The following CLIC3 variants were observed in gnomAD, a reference collection of about 807,000 sequenced individuals.
CLIC3 encodes the protein chloride intracellular channel protein 3.
Under a neutral mutation model 19.9 loss-of-function variants are expected in CLIC3, and 29 were observed. That is an observed-to-expected ratio of 1.46 (90% confidence interval 1.09 to 1.99). CLIC3 has a LOEUF of 1.99. Among genes scored for constraint, CLIC3 ranks in the 30% most tolerant of loss-of-function variants. CLIC3 has a pLI of 0.00. For synonymous variants in CLIC3, 143 were observed against 156.4 expected, an observed-to-expected ratio of 0.91 and a Z score of 0.64; for missense variants, 365 against 342.6, an observed-to-expected ratio of 1.07 and a Z score of -0.52.
chr9:136,995,589 G>A, intron 2 of CLIC3, 22 bp from the exon 3 acceptor site: 1 of 1,610,990 alleles, frequency 6.2e-7, no homozygotes, highest in South Asian at 1.1e-5. Context: ...AGCGGGGTGG[G>A]AGGAGGCCGG....
At chr9:136,996,473 T>C in intron 1 of CLIC3, 38 bp downstream of exon 1, 1 of 1,545,916 alleles carries the variant, frequency 6.5e-7, no homozygotes, top group African/African-American at 1.4e-5. Context: ...AAGCGCTTCC[T>C]CCCAGACACC....
intron 1 of CLIC3, 98 bp from the exon 2 acceptor site, chr9:136,995,855 ATT>A: frequency 5.0e-6 from 4 of 803,300 alleles, no homozygotes; most frequent in Non-Finnish European, 5.9e-6. Context: ...TGCCAGTGGG[ATT>A]GGAGGGACGC....
rs372081015 is a variant in CLIC3, at chr9:136,994,797, G to C, written c.595C>G (p.Leu199Val). 6.3e-7 allele frequency: 1 copy of C among 1,590,650 alleles called. No individual in the cohort carries two copies. Among genetic ancestry groups the C allele is most frequent in the Non-Finnish European group, 8.6e-7 (1 of 1,169,396 alleles). The part of the protein sequence containing the change: ...HFRQAPIPAE[L>V]RGVRRYLDSA... ...TCCAGGTAGCGGCGTACGCCGCGCA[G>C]CTCCGCGGGGATGGGCGCCTGGCGG... is the stretch of plus-strand genomic sequence containing the variant. Residue 199 changes from leucine (L) to valine (V), a missense_variant, in exon 6 of 6, where the codon CTG becomes GTG. Physicochemically the swap from Leu to Val is conservative, Grantham distance 32 (BLOSUM62 1). Transcript: ENST00000494426.
rs776591303 is a variant in CLIC3 at position 136,995,729 on chromosome 9, T to A, written c.62A>T (p.His21Leu). ...KASEDGESVG[H>L]CPSCQRLFMV... ...GAAGAGCCGCTGGCAGGAGGGGCAG[T>A]GACCCACGCTCTCCCCGTCCTCACT... Residue 21 changes from histidine (H) to leucine (L), a missense_variant, in exon 2 of 6, where the codon CAC (histidine) becomes CTC (leucine). Transcript: ENST00000494426. 9 of 1,593,008 alleles carry A rather than the reference T, an allele frequency of 5.6e-6. No homozygotes were observed. Among genetic ancestry groups the A allele is most frequent in the Non-Finnish European group, 7.7e-6 (9 of 1,171,456 alleles).
At chr9:136,995,159 G>A in intron 4 of CLIC3, 27 bp downstream of exon 4, 3 of 1,600,696 alleles carry the variant, frequency 1.9e-6, no homozygotes, top group Non-Finnish European at 2.6e-6. Context: ...TCCCGCCTGG[G>A]CACCCGACCC....
Position 136,994,677 on chromosome 9 carries a change from G to A in CLIC3, c.*4C>T. The A allele has an allele frequency of 6.2e-7, 1 of 1,605,232 alleles. No homozygotes were observed. Among genetic ancestry groups the A allele is most frequent in the Non-Finnish European group, 8.5e-7 (1 of 1,176,380 alleles). On this transcript the variant is annotated 3_prime_UTR_variant, in exon 6 of 6. Coordinates refer to ENST00000494426, the MANE Select transcript of CLIC3 (RefSeq NM_004669.3). The stretch of plus-strand genomic sequence containing the variant: ...TTATTGGGCGACAGACGCGGGGTGG[G>A]GCGCTAGCGGGGGTGCACGGCGGGC...
intron 5 of CLIC3, 33 bp downstream of exon 5, chr9:136,994,897 T>TCTGC: frequency 1.4e-6 from 2 of 1,471,218 alleles, no homozygotes; most frequent in Non-Finnish European, 1.8e-6. Flanking sequence ...CGCGCCGCGG[T>TCTGC]CACCCTCCCG....
chr9:136,996,513 T>A lies in CLIC3; in HGVS notation c.31A>T (p.Lys11Ter). 1 of 1,555,460 alleles carries A rather than the reference T, an allele frequency of 6.4e-7. No homozygotes were observed. The highest frequency in any genetic ancestry group is 8.7e-7 in the Non-Finnish European group (1 of 1,149,010). ...CCGCAGCTGAGTCCGCCCTGCACCTTGACAAACAGCTGGAGCTTGGTCTCC... is the reference window on the plus strand; with the variant it reads ...CCGCAGCTGAGTCCGCCCTGCACCTAGACAAACAGCTGGAGCTTGGTCTCC... MAETKLQLFV[K>*]ASEDGESVGH... Residue 11 changes from lysine to a stop codon, truncating the protein, a stop_gained and splice_region_variant, in exon 1 of 6, where the codon AAG becomes TAG. Coordinates refer to ENST00000494426, the MANE Select transcript of CLIC3 (RefSeq NM_004669.3). LOFTEE classifies it high-confidence loss of function.
intron 5 of CLIC3, 30 bp downstream of exon 5, chr9:136,994,900 C>CG: frequency 2.2e-6 from 3 of 1,346,524 alleles, no homozygotes; most frequent in South Asian, 1.4e-5. Context: ...GCCGCGGTCA[C>CG]CCTCCCGCCC....
rs750648054 is a variant in CLIC3, at chr9:136,995,753, C to G, written c.38G>C (p.Ser13Thr). ...ETKLQLFVKA[S>T]EDGESVGHCP... Reference sequence around the variant, plus strand: ...GTGACCCACGCTCTCCCCGTCCTCACTCGCCTGGGTGGGTGGAGCGGGGGT... The same window carrying G: ...GTGACCCACGCTCTCCCCGTCCTCAGTCGCCTGGGTGGGTGGAGCGGGGGT... Residue 13 changes from serine (S) to threonine (T), a missense_variant, in exon 2 of 6, where the codon AGT (serine) becomes ACT (threonine). Transcript: ENST00000494426. 4 of 1,566,270 alleles carry G rather than the reference C, an allele frequency of 2.6e-6. No homozygotes were observed. Among genetic ancestry groups the G allele is most frequent in the South Asian group, 1.2e-5 (1 of 85,634 alleles).
rs1471056458 is a variant in CLIC3, at chr9:136,994,738, C to A, written c.654G>T (p.Thr218=). Residue 218 remains threonine, a synonymous_variant, in exon 6 of 6, where the codon ACG becomes ACT. Transcript: ENST00000494426. ...CCAGGATCTCGGCGCTGTGCGGACA[C>A]GTGTATTTGAACTCTTTCTCCTGCA... ...SAMQEKEFKY[T]CPHSAEILAA... is the part of the protein sequence containing the mutation. The A allele has an allele frequency of 6.2e-7, 1 of 1,609,652 alleles. No homozygotes were observed. The highest frequency in any genetic ancestry group is 8.5e-7 in the Non-Finnish European group (1 of 1,178,694).
At chr9:136,996,181 C>T (rs1240161537) in intron 1 of CLIC3, among the ~76,000 whole-genome samples, 1 of 152,146 alleles carries the variant, frequency 6.6e-6, no homozygotes, top group Non-Finnish European at 1.5e-5. Context: ...GCTGCCTGGC[C>T]CAGCACCCCC....
At chr9:136,996,137 C>T (rs1830701691) in intron 1 of CLIC3, among the ~76,000 whole-genome samples, 1 of 152,164 alleles carries the variant, frequency 6.6e-6, no homozygotes, top group African/African-American at 2.4e-5. Flanking sequence ...CACATCAGTC[C>T]CCCACCCCAG....
chr9:136,995,728 G>C lies in CLIC3; in HGVS notation c.63C>G (p.His21Gln), dbSNP rs770755146. The C allele has an allele frequency of 6.3e-7, 1 of 1,595,184 alleles. No homozygotes were observed. The highest frequency in any genetic ancestry group is 1.3e-5 in the African/African-American group (1 of 74,702). The change falls in exon 2 of 6, where the codon CAC (histidine) becomes CAG (glutamine). Residue 21 changes from histidine to glutamine, a missense_variant. His to Gln is a conservative substitution (Grantham distance 24). Transcript: ENST00000494426. ...TGAAGAGCCGCTGGCAGGAGGGGCA[G>C]TGACCCACGCTCTCCCCGTCCTCAC... ...KASEDGESVGHCPSCQRLFMV... is the reference protein window; with the variant it reads ...KASEDGESVGQCPSCQRLFMV...
chr9:136,995,581 C>A lies in CLIC3; in HGVS notation c.144-14G>T. 6.2e-7 allele frequency: 1 copy of A among 1,611,106 alleles called. No homozygotes were observed. The highest frequency in any genetic ancestry group is 8.5e-7 in the Non-Finnish European group (1 of 1,178,920). The stretch of plus-strand genomic sequence containing the variant: ...ACGTCCGGGGACCTGCGGGCAGCAG[C>A]GGGGTGGGAGGAGGCCGGCCCACCA... On this transcript the variant is annotated splice_polypyrimidine_tract_variant and intron_variant, in intron 2 of 5. Coordinates refer to ENST00000494426, the MANE Select transcript of CLIC3 (RefSeq NM_004669.3).
rs373589616 is a variant in CLIC3 at position 136,995,241 on chromosome 9, G to A, written c.321C>T (p.Asp107=). 4.7e-5 allele frequency: 75 copies of A among 1,612,778 alleles called. No individual in the cohort carries two copies. The highest frequency in any genetic ancestry group is 1.6e-4 in the Middle Eastern group (1 of 6,082). ...RYRESNTAGN[D]VFHKFSAFIK... ...TGAACGCGGAGAACTTGTGGAAAAC[G>A]TCGTTGCCGGCGGTGTTGGACTCCC... is the stretch of plus-strand genomic sequence containing the variant. The change falls in exon 4 of 6, where the codon GAC becomes GAT. Residue 107 remains aspartate (D), a synonymous_variant. Transcript: ENST00000494426.
At chr9:136,995,834 C>A (rs1830697443) in intron 1 of CLIC3, 77 bp from the exon 2 acceptor site, 1 of 991,356 alleles carries the variant, frequency 1.0e-6, no homozygotes, top group South Asian at 1.6e-5. Context: ...TGGGCGGGAC[C>A]CGCCTCCCAC....
rs1357360835 is a variant in CLIC3 at position 136,994,642 on chromosome 9, A to C, written c.*39T>G. The C allele has an allele frequency of 6.3e-7, 1 of 1,587,420 alleles. No homozygotes were observed. The highest frequency in any genetic ancestry group is 8.6e-7 in the Non-Finnish European group (1 of 1,166,590). On this transcript the variant is annotated 3_prime_UTR_variant, in exon 6 of 6. Transcript: ENST00000494426. ...ATGTCAGGACACCCTCACTCCCGAC[A>C]AAGATGCCTTTATTGGGCGACAGAC...
In CLIC3 at chr9:136,995,255, T is replaced by C; in HGVS notation, c.307A>G (p.Thr103Ala). The change falls in exon 4 of 6, where the codon ACC (threonine) becomes GCC (alanine). Residue 103 changes from threonine (T) to alanine (A), a missense_variant. By Grantham distance (58) the Thr-to-Ala change is moderately conservative. Coordinates refer to ENST00000494426, the MANE Select transcript of CLIC3 (RefSeq NM_004669.3). Reference protein sequence around the residue: ...SLAPRYRESNTAGNDVFHKFS... With the variant: ...SLAPRYRESNAAGNDVFHKFS... ...TTGTGGAAAACGTCGTTGCCGGCGG[T>C]GTTGGACTCCCTGTAACGAGGCGCC... 1.2e-6 allele frequency: 2 copies of C among 1,612,546 alleles called. No homozygotes were observed. The highest frequency in any genetic ancestry group is 1.3e-5 in the African/African-American group (1 of 75,020).
Sources: gnomAD v4.1 joint callset for allele counts (sites outside exome capture counted in the v4.1 genomes callset) on GRCh38, gnomAD v4.1.1 for gene constraint, MANE v1.5 for transcripts, NCBI Gene and HGNC (gene_info 2026-07-23, HGNC 2026-07-21) for gene names.